ULK4: variants seen among roughly 807,000 people sequenced by gnomAD.
ULK4 encodes the protein unc-51 like kinase 4.
A neutral mutation model predicts 160.6 loss-of-function variants in ULK4; 133 were observed. That is an observed-to-expected ratio of 0.83 (90% CI 0.72 to 0.96). The LOEUF (loss-of-function observed/expected upper bound fraction) is 0.96. Ranked by LOEUF, ULK4 falls within the 40% of genes least tolerant of loss-of-function variation. The pLI is 0.00. For synonymous variants in ULK4, 534 were observed against 539.8 expected, an observed-to-expected ratio of 0.99 and a Z score of 0.15; for missense variants, 1,580 against 1,499.5, an observed-to-expected ratio of 1.05 and a Z score of -0.89.
intron 35 of ULK4, among the ~76,000 whole-genome samples, chr3:41,338,345 G>A (rs1007346676): frequency 6.6e-6 from 1 of 152,156 alleles, no homozygotes; most frequent in Non-Finnish European, 1.5e-5. Context: ...TGTGAAAAGG[G>A]AGAAACCACT....
chr3:41,442,245 A>G (rs2083188989), intron 34 of ULK4, among the ~76,000 whole-genome samples: 1 of 152,194 alleles, frequency 6.6e-6, no homozygotes, highest in South Asian at 2.1e-4. Context: ...ATTTAATATC[A>G]TTGTTTGTGC....
chr3:41,490,619 G>A (rs1455928476), intron 32 of ULK4, among the ~76,000 whole-genome samples: 2 of 152,116 alleles, frequency 1.3e-5, no homozygotes, highest in Non-Finnish European at 2.9e-5. Context: ...CAACTAGACT[G>A]CAAGCTCCTC....
intron 35 of ULK4, among the ~76,000 whole-genome samples, chr3:41,300,852 TA>T: frequency 1.2e-5 from 1 of 82,318 alleles, no homozygotes; most frequent in South Asian, 3.5e-4. Flanking sequence ...TATATATATA[TA>T]TATATATATA....
chr3:41,444,099 T>A (rs1000991154), intron 34 of ULK4, among the ~76,000 whole-genome samples: 2 of 152,130 alleles, frequency 1.3e-5, no homozygotes, highest in African/African-American at 4.8e-5. Context: ...GCATAAATAA[T>A]CATAAGGCTT....
intron 11 of ULK4, among the ~76,000 whole-genome samples, chr3:41,908,786 A>C (rs1296030732): frequency 3.3e-5 from 5 of 152,048 alleles, no homozygotes; most frequent in Admixed American, 6.6e-5. Context: ...TCAGATCATT[A>C]ATATTTTTTA....
chr3:41,735,838 C>A (rs1407056459), intron 22 of ULK4, among the ~76,000 whole-genome samples: 4 of 99,590 alleles, frequency 4.0e-5, no homozygotes, highest in Non-Finnish European at 1.9e-5. Flanking sequence ...CTATCCCTCC[C>A]CCCTCCCCCC....
intron 32 of ULK4, among the ~76,000 whole-genome samples, chr3:41,467,711 G>T (rs1005540639): frequency 6.6e-6 from 1 of 152,080 alleles, no homozygotes; most frequent in African/African-American, 2.4e-5. Context: ...AAAAATTAAA[G>T]AATTCTATGA....
chr3:41,627,623 T>C (rs1283364843), intron 30 of ULK4, among the ~76,000 whole-genome samples: 2 of 152,242 alleles, frequency 1.3e-5, no homozygotes, highest in Non-Finnish European at 2.9e-5. Flanking sequence ...ATTTAATTTA[T>C]GATTAACATT....
intron 35 of ULK4, among the ~76,000 whole-genome samples, chr3:41,254,202 C>G (rs1427714733): frequency 6.6e-6 from 1 of 152,126 alleles, no homozygotes; most frequent in Non-Finnish European, 1.5e-5. Flanking sequence ...ACATATATTG[C>G]AAGAATCCAG....
chr3:41,842,320 G>GA (rs1000929462), intron 17 of ULK4, among the ~76,000 whole-genome samples: 7 of 151,702 alleles, frequency 4.6e-5, no homozygotes, highest in African/African-American at 1.5e-4. Flanking sequence ...AGGGAAAAAA[G>GA]AAAAAAAATG....
chr3:41,548,824 C>T (rs58600831), intron 32 of ULK4, among the ~76,000 whole-genome samples: 1 of 152,152 alleles, frequency 6.6e-6, no homozygotes, highest in Non-Finnish European at 1.5e-5. Flanking sequence ...CACCACCAGT[C>T]TGGCCTGAGG....
intron 35 of ULK4, among the ~76,000 whole-genome samples, chr3:41,375,074 A>C (rs1356250892): frequency 1.3e-5 from 2 of 152,168 alleles, no homozygotes; most frequent in Non-Finnish European, 2.9e-5. Flanking sequence ...TACAATTTAC[A>C]AGGGATGTGA....
chr3:41,441,939 T>C (rs903420350), intron 34 of ULK4, among the ~76,000 whole-genome samples: 2 of 152,174 alleles, frequency 1.3e-5, no homozygotes, highest in Non-Finnish European at 2.9e-5. Context: ...CTGGCAACAG[T>C]TTTGCTCTGA....
intron 30 of ULK4, among the ~76,000 whole-genome samples, chr3:41,640,040 T>C (rs1039717301): frequency 2.0e-5 from 3 of 152,196 alleles, no homozygotes; most frequent in Non-Finnish European, 4.4e-5. Context: ...AATGATTGGA[T>C]GGCTGATGGC....
At chr3:41,818,842 C>T (rs764397244) in intron 19 of ULK4, among the ~76,000 whole-genome samples, 1 of 152,198 alleles carries the variant, frequency 6.6e-6, no homozygotes, top group Non-Finnish European at 1.5e-5. Context: ...GTTTCTAAAT[C>T]CTTTACATAG....
At chr3:41,811,163 A>C (rs1167961245) in intron 19 of ULK4, among the ~76,000 whole-genome samples, 3 of 152,010 alleles carry the variant, frequency 2.0e-5, no homozygotes, top group Non-Finnish European at 2.9e-5. Flanking sequence ...CTGGGATTAC[A>C]GGTATAAGCC....
intron 32 of ULK4, among the ~76,000 whole-genome samples, chr3:41,513,145 AC>A (rs2125925522): frequency 6.6e-6 from 1 of 152,316 alleles, no homozygotes; most frequent in Non-Finnish European, 1.5e-5. Context: ...ATAAAAATGA[AC>A]TGAAGATGGA....
intron 32 of ULK4, among the ~76,000 whole-genome samples, chr3:41,506,767 A>AAAAAAAAAAATATATATATATATAAATAT: frequency 1.8e-5 from 1 of 56,766 alleles, no homozygotes; most frequent in Non-Finnish European, 3.1e-5. Flanking sequence ...TGTGATTTAA[A>AAAAAAAAAAATATATATATATATAAATAT]ATATATATAT....
chr3:41,616,653 G>A (rs925990621), intron 30 of ULK4, among the ~76,000 whole-genome samples: 34 of 152,242 alleles, frequency 2.2e-4, no homozygotes, highest in African/African-American at 7.9e-4. Context: ...AGATTCCCTC[G>A]TGTGCCTATG....
Sources: gnomAD v4.1 joint callset for allele counts (sites outside exome capture counted in the v4.1 genomes callset) on GRCh38, gnomAD v4.1.1 for gene constraint, MANE v1.5 for transcripts, NCBI Gene and HGNC (gene_info 2026-07-23, HGNC 2026-07-21) for gene names.